Variants in LMOD3 observed in about 807,000 individuals in gnomAD.
LMOD3 encodes leiomodin 3, also known as leiomodin-3.
LMOD3 carries 31 observed loss-of-function variants against 41.8 expected under a neutral mutation model. That is an observed-to-expected ratio of 0.74 (90% CI 0.56 to 1.00). The LOEUF (loss-of-function observed/expected upper bound fraction) is 1.00. LMOD3 is among the 50% of genes least tolerant of loss of function. LMOD3 has a pLI of 0.00. For synonymous variants in LMOD3, 292 were observed against 241.9 expected (o/e 1.21, Z -1.92); for missense variants, 755 against 679.5 (o/e 1.11, Z -1.23).
At position 69,119,794 on chromosome 3, in the gene LMOD3, G is replaced by C; in HGVS notation, c.561C>G (p.Asn187Lys). The C allele has an allele frequency of 1.9e-6, 3 of 1,606,884 alleles. No homozygotes were observed. Among genetic ancestry groups the C allele is most frequent in the Non-Finnish European group, 2.6e-6 (3 of 1,175,898 alleles). The part of the protein sequence containing the change: ...AKEQIRNCEN[N>K]CQQVTDKAFK... ...ATGCTTTGTCAGTTACCTGCTGGCA[G>C]TTGTTCTCACAATTTCTAATTTGTT... is the stretch of plus-strand genomic sequence containing the variant. The change falls in exon 2 of 3, where the codon AAC becomes AAG. Residue 187 changes from asparagine to lysine, a missense_variant. Coordinates refer to ENST00000420581, the MANE Select transcript of LMOD3 (RefSeq NM_198271.5).
intron 1 of LMOD3, 116 bp downstream of exon 1, chr3:69,121,977 G>T (rs2092409572): frequency 1.3e-6 from 1 of 776,960 alleles, no homozygotes; most frequent in African/African-American, 1.8e-5. Flanking sequence ...ATCTAGATAT[G>T]GCAAAAACAA....
At position 69,119,158 on chromosome 3, in the gene LMOD3, C is replaced by T; in HGVS notation, c.1197G>A (p.Gln399=). Residue 399 remains glutamine (Q), a synonymous_variant, in exon 2 of 3, where the codon CAG becomes CAA. Coordinates refer to ENST00000420581, the MANE Select transcript of LMOD3 (RefSeq NM_198271.5). ...GCTGTTTTTGCTCTTCCTGTCGTTT[C>T]TGCCTTTGTTTATCCTGATTCCTGG... The part of the protein sequence containing the change: ...LLTRNQDKQR[Q]KRQEEQKQQQ... The T allele has an allele frequency of 6.2e-7, 1 of 1,613,174 alleles. No individual in the cohort carries two copies. Among genetic ancestry groups the T allele is most frequent in the Non-Finnish European group, 8.5e-7 (1 of 1,179,774 alleles).
At position 69,118,800 on chromosome 3, in the gene LMOD3, T is replaced by G; in HGVS notation, c.1555A>C (p.Lys519Gln). The change falls in exon 2 of 3, where the codon AAG becomes CAG. Residue 519 changes from lysine (K) to glutamine (Q), a missense_variant. Coordinates refer to ENST00000420581, the MANE Select transcript of LMOD3 (RefSeq NM_198271.5). ...TNLKDVIKTL[K>Q]PVPRNRPPPL... ...GGTGGCCTGTTTCTCGGCACTGGCT[T>G]GAGCGTTTTGATGACATCTTTGAGG... 6.2e-7 allele frequency: 1 copy of G among 1,611,462 alleles called. No homozygotes were observed. The highest frequency in any genetic ancestry group is 8.5e-7 in the Non-Finnish European group (1 of 1,179,314).
In LMOD3 at chr3:69,106,131, T is replaced by C. The variant is rs549255191; in HGVS notation, c.*2964A>G. ...TACCTGAGAAACTTGGCGACGACCC[T>C]ATAAACAGTGAAGCAAACACTTCAG... is the stretch of plus-strand genomic sequence containing the variant. On this transcript the variant is annotated 3_prime_UTR_variant, in exon 3 of 3. Coordinates refer to ENST00000420581, the MANE Select transcript of LMOD3 (RefSeq NM_198271.5). 6.6e-6 allele frequency: 1 copy of C among 152,372 alleles called. No individual in the cohort carries two copies. The highest frequency in any genetic ancestry group is 2.4e-5 in the African/African-American group (1 of 41,592). The allele number at this position is 152,372 out of a possible 1,614,324, so 9.4% of individuals were successfully genotyped here. A position where few individuals can be genotyped will look rare whatever the true frequency, so the allele number is the denominator to read the frequency against.
chr3:69,118,782 T>A lies in LMOD3; in HGVS notation c.1573A>T (p.Arg525Trp). 1 of 1,611,992 alleles carries A rather than the reference T, an allele frequency of 6.2e-7. No individual in the cohort carries two copies. The highest frequency in any genetic ancestry group is 1.7e-5 in the Admixed American group (1 of 59,700). Residue 525 changes from arginine (R) to tryptophan (W), a missense_variant, in exon 2 of 3, where the codon AGG (arginine) becomes TGG (tryptophan). Transcript: ENST00000420581. Reference protein sequence around the residue: ...IKTLKPVPRNRPPPLVEITPR... With the variant: ...IKTLKPVPRNWPPPLVEITPR... Reference sequence around the variant, plus strand: ...GTGATTTCCACCAATGGGGGTGGCCTGTTTCTCGGCACTGGCTTGAGCGTT... The same window carrying A: ...GTGATTTCCACCAATGGGGGTGGCCAGTTTCTCGGCACTGGCTTGAGCGTT...
chr3:69,116,525 T>A (rs1220508942), intron 2 of LMOD3, among the ~76,000 whole-genome samples: 1 of 152,186 alleles, frequency 6.6e-6, no homozygotes. Context: ...TGGTAGTAGT[T>A]TTGAATTGAT....
At chr3:69,115,578 C>A (rs1213671057) in intron 2 of LMOD3, among the ~76,000 whole-genome samples, 3 of 152,108 alleles carry the variant, frequency 2.0e-5, no homozygotes, top group African/African-American at 7.2e-5. Context: ...ACATCATACA[C>A]ACACAGAGAA....
At chr3:69,116,257 G>A (rs2092372203) in intron 2 of LMOD3, among the ~76,000 whole-genome samples, 1 of 152,182 alleles carries the variant, frequency 6.6e-6, no homozygotes, top group Non-Finnish European at 1.5e-5. Flanking sequence ...TATTTTTCTT[G>A]CCGAGTGTTT....
chr3:69,119,893 A>ATCC lies in LMOD3; in HGVS notation c.461_462insGGA (p.Asp153_Asp154insGlu). ...CATCATCTTCTCCTTCGTCGTCATC[A>ATCC]TCATCATCTTCTTCTTCTTCATCTT... On this transcript the variant is annotated inframe_insertion, in exon 2 of 3. Transcript: ENST00000420581. The ATCC allele has an allele frequency of 6.7e-7, 1 of 1,483,726 alleles. No homozygotes were observed. The highest frequency in any genetic ancestry group is 2.4e-5 in the East Asian group (1 of 40,964). The allele number at this position is 1,483,726 out of a possible 1,614,324, so 91.9% of individuals were successfully genotyped here.
intron 2 of LMOD3, among the ~76,000 whole-genome samples, chr3:69,111,175 A>T (rs1176433064): frequency 6.6e-6 from 1 of 152,134 alleles, no homozygotes; most frequent in Non-Finnish European, 1.5e-5. Context: ...CATTTTGGTC[A>T]TCTGCTCTGG....
chr3:69,119,842 T>C lies in LMOD3; in HGVS notation c.513A>G (p.Arg171=). 6.4e-7 allele frequency: 1 copy of C among 1,565,474 alleles called. No individual in the cohort carries two copies. The highest frequency in any genetic ancestry group is 8.7e-7 in the Non-Finnish European group (1 of 1,153,618). Residue 171 remains arginine, a synonymous_variant, in exon 2 of 3, where the codon AGA becomes AGG. Transcript: ENST00000420581. ...GTTCCTTTGCTTTGCCTTCCTCTTC[T>C]CTGTTCGTTTCTTCACTCTCTTCAC... ...DDGEESEETN[R]EEEGKAKEQI...
intron 2 of LMOD3, among the ~76,000 whole-genome samples, chr3:69,114,074 A>T (rs146867566): frequency 0.012 from 1,819 of 152,308 alleles, 11 homozygotes; most frequent in Middle Eastern, 0.044. Context: ...AAATGAGTGA[A>T]GCATGCCAGG....
chr3:69,118,454 T>C (rs1270606614), intron 2 of LMOD3, among the ~76,000 whole-genome samples: 1 of 152,128 alleles, frequency 6.6e-6, no homozygotes, highest in Non-Finnish European at 1.5e-5. Context: ...TAGTAAATGC[T>C]CCCTAAATGT....
In LMOD3 at chr3:69,109,520, CTTTTTTTT is replaced by C. The variant is rs923225067; in HGVS notation, c.1657-407_1657-400del. Among the ~76,000 whole-genome samples the C allele has an allele frequency of 1.5e-4, 15 of 98,742 alleles. No homozygotes were observed. The South Asian group carries it at 4.4e-3, about 29-fold the overall frequency. 64.8% of individuals were successfully genotyped at this position (98,742 alleles called of 152,430 possible). A position where few individuals can be genotyped will look rare whatever the true frequency, so the allele number is the denominator to read the frequency against. Reference sequence around the variant, plus strand: ...TACAAGTGAGTAATCCATGTTAACACTTTTTTTTTTTTTTTTTTTTTTTTTGAGATGGA... The same window carrying C: ...TACAAGTGAGTAATCCATGTTAACACTTTTTTTTTTTTTTTTTGAGATGGA... On this transcript the variant is annotated intron_variant, in intron 2 of 2. Coordinates refer to ENST00000420581, the MANE Select transcript of LMOD3 (RefSeq NM_198271.5).
At chr3:69,110,115 G>T (rs141414740) in intron 2 of LMOD3, among the ~76,000 whole-genome samples, 1 of 152,056 alleles carries the variant, frequency 6.6e-6, no homozygotes, top group African/African-American at 2.4e-5. Context: ...CCAGGCAAGG[G>T]GGCATGCACC....
In LMOD3 at chr3:69,119,848, C is replaced by T. The variant is rs1345777816; in HGVS notation, c.507G>A (p.Thr169=). The T allele has an allele frequency of 1.2e-5, 18 of 1,562,776 alleles. No individual in the cohort carries two copies. The highest frequency in any genetic ancestry group is 9.7e-5 in the Admixed American group (5 of 51,682). Residue 169 remains threonine (T), a synonymous_variant, in exon 2 of 3, where the codon ACG becomes ACA. Transcript: ENST00000420581. ...TTGCTTTGCCTTCCTCTTCTCTGTT[C>T]GTTTCTTCACTCTCTTCACCATCAT... is the stretch of plus-strand genomic sequence containing the variant. ...GEDDGEESEE[T]NREEEGKAKE...
chr3:69,115,361 G>A (rs115396901), intron 2 of LMOD3, among the ~76,000 whole-genome samples: 2,967 of 151,778 alleles, frequency 0.02, 104 homozygotes, highest in African/African-American at 0.069. Flanking sequence ...TGGTGAGTGC[G>A]GTCCCAGCTA....
intron 1 of LMOD3, 47 bp from the exon 2 acceptor site, chr3:69,120,107 TA>T: frequency 6.6e-7 from 1 of 1,521,530 alleles, no homozygotes; most frequent in Non-Finnish European, 8.7e-7. Context: ...AGAGAAGAAA[TA>T]TGAAGTGGAG....
At chr3:69,118,045 T>G (rs2092384708) in intron 2 of LMOD3, among the ~76,000 whole-genome samples, 1 of 152,226 alleles carries the variant, frequency 6.6e-6, no homozygotes, top group South Asian at 2.1e-4. Context: ...TTGGCCAGAA[T>G]GATCTTGATC....
Sources: allele counts gnomAD v4.1 joint callset (sites outside exome capture counted in the v4.1 genomes callset), GRCh38; gene constraint gnomAD v4.1.1; transcripts MANE v1.5; gene names NCBI Gene and HGNC (gene_info 2026-07-23, HGNC 2026-07-21).